CRADD: variants seen among roughly 807,000 people sequenced by gnomAD.
CRADD encodes death domain-containing protein CRADD.
In CRADD, 9 loss-of-function variants were observed where a neutral mutation model predicts 15.5. The observed-to-expected ratio is 0.58, with a 90% CI of 0.35 to 1.01. The LOEUF (loss-of-function observed/expected upper bound fraction) is 1.01, where lower values mean the gene tolerates loss of function less well. Ranked by LOEUF, CRADD falls within the 50% of genes least tolerant of loss-of-function variation. The probability of loss-of-function intolerance (pLI) is 0.02; values close to 1 mark genes in which losing one functional copy is unlikely to be tolerated. For missense variants in CRADD, 227 were observed against 250.3 expected (o/e 0.91, Z 0.63); for synonymous variants, 118 against 107.6 (o/e 1.10, Z -0.60).
intron 2 of CRADD, among the ~76,000 whole-genome samples, chr12:93,783,924 G>A (rs976368833): frequency 3.9e-5 from 6 of 152,090 alleles, no homozygotes; most frequent in African/African-American, 9.7e-5. Context: ...CAGATGTGTC[G>A]CTGTCATCTG....
intron 2 of CRADD, among the ~76,000 whole-genome samples, chr12:93,783,651 A>G (rs1957237505): frequency 2.0e-5 from 3 of 152,224 alleles, no homozygotes; most frequent in African/African-American, 7.2e-5. Context: ...TTTAAGCCAT[A>G]AAATAACATT....
At chr12:93,856,165 C>T (rs1958273330) in intron 2 of CRADD, among the ~76,000 whole-genome samples, 1 of 152,220 alleles carries the variant, frequency 6.6e-6, no homozygotes, top group Non-Finnish European at 1.5e-5. Context: ...GTAGAATCAC[C>T]TCCTGCAGAT....
chr12:93,806,473 CAAAA>C (rs1353951929), intron 2 of CRADD, among the ~76,000 whole-genome samples: 11 of 79,208 alleles, frequency 1.4e-4, no homozygotes, highest in Non-Finnish European at 2.1e-4. Flanking sequence ...AAAAAAAAAA[CAAAA>C]AAAAGAAAAA....
intron 2 of CRADD, among the ~76,000 whole-genome samples, chr12:93,868,401 C>T (rs1391151893): frequency 6.6e-6 from 1 of 152,100 alleles, no homozygotes; most frequent in African/African-American, 2.4e-5. Flanking sequence ...ACCTATAACT[C>T]CATTTATAAT....
intron 2 of CRADD, chr12:93,837,277 G>GT (rs1186439422): frequency 2.2e-3 from 311 of 143,858 alleles, no homozygotes; most frequent in East Asian, 0.013. Flanking sequence ...GTTTGTTTTT[G>GT]TTTTTTTTTT....
intron 2 of CRADD, among the ~76,000 whole-genome samples, chr12:93,743,530 C>CATG (rs1956709780): frequency 1.3e-5 from 2 of 152,292 alleles, no homozygotes; most frequent in African/African-American, 4.8e-5. Flanking sequence ...TTGGTTTCGC[C>CATG]ATGTTGCCCA....
chr12:93,732,077 G>T (rs575463237), intron 2 of CRADD, among the ~76,000 whole-genome samples: 17 of 151,754 alleles, frequency 1.1e-4, no homozygotes, highest in African/African-American at 3.4e-4. Flanking sequence ...TGGAGGTTGC[G>T]GTGAGCCGAG....
chr12:93,746,300 A>G (rs545211562), intron 2 of CRADD, among the ~76,000 whole-genome samples: 1 of 152,342 alleles, frequency 6.6e-6, no homozygotes, highest in South Asian at 2.1e-4. Flanking sequence ...TAAAAACACA[A>G]CTTTGGCAGA....
chr12:93,771,442 C>G (rs1957084201), intron 2 of CRADD, among the ~76,000 whole-genome samples: 1 of 152,158 alleles, frequency 6.6e-6, no homozygotes, highest in Admixed American at 6.5e-5. Context: ...GGCTTTTGCT[C>G]AGTGTTTTTA....
intron 2 of CRADD, chr12:93,837,408 C>A (rs1957986673): frequency 6.6e-6 from 1 of 152,102 alleles, no homozygotes. Context: ...GCTGGGATTA[C>A]AGACGTGCAT....
chr12:93,778,120 T>C (rs1032400350), intron 2 of CRADD, among the ~76,000 whole-genome samples: 1 of 152,216 alleles, frequency 6.6e-6, no homozygotes, highest in Non-Finnish European at 1.5e-5. Context: ...TCCTTTTCTT[T>C]GTCACTGTGT....
At position 93,757,336 on chromosome 12, in the gene CRADD, A is replaced by G. The variant is rs140315266; in HGVS notation, c.298+78264A>G. On this transcript the variant is annotated intron_variant, in intron 2 of 2. Coordinates refer to ENST00000332896, the MANE Select transcript of CRADD (RefSeq NM_003805.5). Reference sequence around the variant, plus strand: ...CTGGTAGGTTATGTGTTCATTTTCTAGTGCTGCCTATGTGGCTGCCCCAAG... The same window carrying G: ...CTGGTAGGTTATGTGTTCATTTTCTGGTGCTGCCTATGTGGCTGCCCCAAG... 3.2e-4 allele frequency among the ~76,000 whole-genome samples: 48 copies of G among 152,282 alleles called. No individual in the cohort carries two copies. In the East Asian group the frequency reaches 7.3e-3, roughly 23 times the overall value.
intron 2 of CRADD, among the ~76,000 whole-genome samples, chr12:93,734,091 T>C (rs1956520038): frequency 6.6e-6 from 1 of 151,988 alleles, no homozygotes; most frequent in African/African-American, 2.4e-5. Context: ...TTTTCCCTTC[T>C]TGTCTTCCTC....
intron 2 of CRADD, among the ~76,000 whole-genome samples, chr12:93,834,466 T>C (rs1433560141): frequency 6.6e-6 from 1 of 152,198 alleles, no homozygotes; most frequent in Admixed American, 6.5e-5. Context: ...TATAATGTTA[T>C]GTTCAGTTGT....
intron 2 of CRADD, among the ~76,000 whole-genome samples, chr12:93,697,185 G>A (rs1172859243): frequency 6.6e-6 from 1 of 152,198 alleles, no homozygotes. Context: ...AATCCCCATT[G>A]TGGTGGTATT....
At chr12:93,840,754 CG>C (rs1328596022) in intron 2 of CRADD, among the ~76,000 whole-genome samples, 1 of 151,714 alleles carries the variant, frequency 6.6e-6, no homozygotes, top group African/African-American at 2.4e-5. Flanking sequence ...TTAGTGGAGA[CG>C]GGGGTTTCTC....
intron 2 of CRADD, among the ~76,000 whole-genome samples, chr12:93,723,205 G>T (rs183262311): frequency 6.6e-6 from 1 of 152,276 alleles, no homozygotes; most frequent in Admixed American, 6.5e-5. Context: ...CTTTGCTTAG[G>T]GATTAGACCA....
chr12:93,770,150 C>T (rs1460424131), intron 2 of CRADD, among the ~76,000 whole-genome samples: 1 of 135,058 alleles, frequency 7.4e-6, no homozygotes. Context: ...GGTGGGAGTG[C>T]AGTGGCGCAA....
At chr12:93,812,584 G>A (rs1397000700) in intron 2 of CRADD, among the ~76,000 whole-genome samples, 1 of 151,914 alleles carries the variant, frequency 6.6e-6, no homozygotes, top group African/African-American at 2.4e-5. Context: ...GTTTCTTTTG[G>A]GGCTAGATGT....
Sources: gnomAD v4.1 joint callset for allele counts (sites outside exome capture counted in the v4.1 genomes callset) on GRCh38, gnomAD v4.1.1 for gene constraint, MANE v1.5 for transcripts, NCBI Gene and HGNC (gene_info 2026-07-23, HGNC 2026-07-21) for gene names.